RPE65: variants seen among roughly 807,000 people sequenced by gnomAD.
RPE65 encodes retinoid isomerohydrolase RPE65.
Under a neutral mutation model 68.5 loss-of-function variants are expected in RPE65, and 58 were observed. The observed-to-expected ratio is 0.85, with a 90% CI of 0.69 to 1.05. The LOEUF is 1.05. Ranked by LOEUF, RPE65 falls within the 50% of genes least tolerant of loss-of-function variation. RPE65 has a pLI of 0.00. For missense variants in RPE65, 643 were observed against 629.9 expected, an observed-to-expected ratio of 1.02 and a Z score of -0.22; for synonymous variants, 220 against 222.2, an observed-to-expected ratio of 0.99 and a Z score of 0.09.
chr1:68,431,242 T>C (rs1469724777), intron 12 of RPE65, 40 bp downstream of exon 12: 2 of 1,608,718 alleles, frequency 1.2e-6, no homozygotes, highest in Admixed American at 1.7e-5. Context: ...TAGCATATAC[T>C]CAAAGCACTG....
intron 5 of RPE65, among the ~76,000 whole-genome samples, chr1:68,441,950 G>A (rs1342441029): frequency 6.6e-6 from 1 of 152,120 alleles, no homozygotes; most frequent in East Asian, 1.9e-4. Context: ...TCAGGAGAGA[G>A]AAGATCTTTG....
rs111240881 is a variant in RPE65 at position 68,436,552 on chromosome 1, T to G, written c.1128+1635A>C. Among the ~76,000 whole-genome samples the G allele has an allele frequency of 1.6e-3, 236 of 152,098 alleles. 1 individual carries two copies. Among genetic ancestry groups the G allele is most frequent in the Non-Finnish European group, 2.7e-3 (184 of 68,006 alleles). Reference sequence around the variant, plus strand: ...GGCATGATCTCGGCTCACTGCAACCTCTGCCTCCTGGGTTCAAGCGATTCT... The same window carrying G: ...GGCATGATCTCGGCTCACTGCAACCGCTGCCTCCTGGGTTCAAGCGATTCT... On this transcript the variant is annotated intron_variant, in intron 10 of 13. Coordinates refer to ENST00000262340, the MANE Select transcript of RPE65 (RefSeq NM_000329.3).
intron 13 of RPE65, among the ~76,000 whole-genome samples, chr1:68,430,535 CT>C (rs1645818775): frequency 6.6e-6 from 1 of 152,142 alleles, no homozygotes; most frequent in Non-Finnish European, 1.5e-5. Flanking sequence ...ATCTATCTCC[CT>C]GTCCCAGCTG....
At chr1:68,444,073 C>T (rs1271550616) in intron 5 of RPE65, among the ~76,000 whole-genome samples, 3 of 152,116 alleles carry the variant, frequency 2.0e-5, no homozygotes, top group African/African-American at 7.2e-5. Flanking sequence ...CTTATAAAAG[C>T]TATGAAAGGC....
chr1:68,441,089 G>T, intron 5 of RPE65, 89 bp from the exon 6 acceptor site: 1 of 1,457,892 alleles, frequency 6.9e-7, no homozygotes, highest in South Asian at 1.2e-5. Context: ...ACTACCCCTT[G>T]AACTCTCATC....
chr1:68,439,444 T>C (rs755775272), intron 7 of RPE65, 117 bp downstream of exon 7: 5 of 1,550,926 alleles, frequency 3.2e-6, no homozygotes, highest in East Asian at 2.3e-5. Flanking sequence ...AAATTAATTA[T>C]GTTTAAATTT....
chr1:68,441,085 C>T (rs1645899420), intron 5 of RPE65, 85 bp from the exon 6 acceptor site: 3 of 1,480,330 alleles, frequency 2.0e-6, no homozygotes, highest in South Asian at 2.4e-5. Flanking sequence ...CATCACTACC[C>T]CTTGAACTCT....
chr1:68,442,050 A>G (rs2100823306), intron 5 of RPE65, among the ~76,000 whole-genome samples: 1 of 152,364 alleles, frequency 6.6e-6, no homozygotes, highest in African/African-American at 2.4e-5. Context: ...CTCCTCAGTC[A>G]CATTAGCCAC....
rs1166920485 is a variant in RPE65 at position 68,438,182 on chromosome 1, G to A, written c.1128+5C>T. 1.2e-6 allele frequency: 2 copies of A among 1,613,666 alleles called. No individual in the cohort carries two copies. Among genetic ancestry groups the A allele is most frequent in the South Asian group, 2.2e-5 (2 of 91,066 alleles). On this transcript the variant is annotated splice_donor_5th_base_variant and intron_variant, in intron 10 of 13. Coordinates refer to ENST00000262340, the MANE Select transcript of RPE65 (RefSeq NM_000329.3). Reference sequence around the variant, plus strand: ...AAATCTGAAATCTACAGAGAAGCAGGTTACCTTGTCAATATTCAAAGGAAG... The same window carrying A: ...AAATCTGAAATCTACAGAGAAGCAGATTACCTTGTCAATATTCAAAGGAAG...
intron 5 of RPE65, among the ~76,000 whole-genome samples, chr1:68,442,133 A>T (rs1571168330): frequency 6.6e-6 from 1 of 152,194 alleles, no homozygotes; most frequent in Non-Finnish European, 1.5e-5. Flanking sequence ...GTTCTATTGG[A>T]CAGCCCTGCA....
At chr1:68,434,051 G>C (rs1224572879) in intron 10 of RPE65, among the ~76,000 whole-genome samples, 2 of 150,270 alleles carry the variant, frequency 1.3e-5, no homozygotes, top group Non-Finnish European at 3.0e-5. Context: ...ATTATGGAAG[G>C]AGTATAGTCT....
intron 3 of RPE65, among the ~76,000 whole-genome samples, chr1:68,446,371 A>G (rs1645943272): frequency 6.6e-6 from 1 of 152,200 alleles, no homozygotes; most frequent in African/African-American, 2.4e-5. Context: ...TAATGAATAT[A>G]TAAGGTAGAT....
chr1:68,437,932 A>G (rs1645872446), intron 10 of RPE65, among the ~76,000 whole-genome samples: 1 of 152,254 alleles, frequency 6.6e-6, no homozygotes, highest in South Asian at 2.1e-4. Context: ...TTTTGTAAAT[A>G]CAAGAACGGC....
chr1:68,435,440 T>C (rs1407292994), intron 10 of RPE65, among the ~76,000 whole-genome samples: 2 of 152,216 alleles, frequency 1.3e-5, no homozygotes, highest in East Asian at 3.8e-4. Context: ...ATACCATTAA[T>C]TATGGGCTTT....
At chr1:68,438,876 C>A in intron 9 of RPE65, 66 bp downstream of exon 9, 2 of 1,595,944 alleles carry the variant, frequency 1.3e-6, no homozygotes, top group Non-Finnish European at 1.7e-6. Flanking sequence ...TGCAGCAGCT[C>A]TGTAAAAACC....
In RPE65 at chr1:68,431,180, T is replaced by C. The variant is rs746665921; in HGVS notation, c.1339-4A>G. On this transcript the variant is annotated splice_polypyrimidine_tract_variant and splice_region_variant and intron_variant, in intron 12 of 13. Transcript: ENST00000262340. Reference sequence around the variant, plus strand: ...TTTTGACATTCAGCTTACAGAGCTGTTTGTGAGAAAGAAAAATCAATCAAG... The same window carrying C: ...TTTTGACATTCAGCTTACAGAGCTGCTTGTGAGAAAGAAAAATCAATCAAG... 6 of 1,613,402 alleles carry C rather than the reference T, an allele frequency of 3.7e-6. No individual in the cohort carries two copies. The highest frequency in any genetic ancestry group is 4.5e-5 in the East Asian group (2 of 44,870).
intron 6 of RPE65, among the ~76,000 whole-genome samples, chr1:68,440,405 G>T (rs1385522977): frequency 6.6e-6 from 1 of 152,156 alleles, no homozygotes; most frequent in African/African-American, 2.4e-5. Flanking sequence ...GTACTTCTAT[G>T]AGATAACAGA....
intron 10 of RPE65, 121 bp downstream of exon 10, chr1:68,438,066 T>G (rs1387002403): frequency 8.0e-7 from 1 of 1,245,160 alleles, no homozygotes; most frequent in Non-Finnish European, 1.1e-6. Flanking sequence ...TAGCCTATTT[T>G]TAAAGCTCCT....
intron 10 of RPE65, among the ~76,000 whole-genome samples, chr1:68,435,376 C>T (rs1645853849): frequency 6.9e-6 from 1 of 145,182 alleles, no homozygotes; most frequent in African/African-American, 2.9e-5. Context: ...ATATGATTTC[C>T]CCCCCTGCCT....
Sources: gnomAD v4.1 joint callset for allele counts (sites outside exome capture counted in the v4.1 genomes callset) on GRCh38, gnomAD v4.1.1 for gene constraint, MANE v1.5 for transcripts, NCBI Gene and HGNC (gene_info 2026-07-23, HGNC 2026-07-21) for gene names.